Variants in PDXK observed in about 807,000 individuals in gnomAD.
PDXK encodes the protein pyridoxal kinase.
Under a neutral mutation model 43.2 loss-of-function variants are expected in PDXK, and 15 were observed. The ratio of observed to expected loss-of-function variants is 0.35; its 90% CI spans 0.23 to 0.53. PDXK has a LOEUF of 0.53. Ranked by LOEUF, PDXK falls within the 20% of genes least tolerant of loss-of-function variation. The pLI is 0.92. For missense variants in PDXK, 343 were observed against 417.0 expected, an observed-to-expected ratio of 0.82 and a Z score of 1.54; for synonymous variants, 172 against 165.4, an observed-to-expected ratio of 1.04 and a Z score of -0.31.
At chr21:43,755,930 T>G in intron 10 of PDXK, 21 bp from the exon 11 acceptor site, 2 of 1,575,396 alleles carry the variant, frequency 1.3e-6, no homozygotes, top group Non-Finnish European at 1.7e-6. Context: ...GGGAACTCAG[T>G]GCTCTCTGCC....
intron 2 of PDXK, among the ~76,000 whole-genome samples, chr21:43,739,670 C>A (rs2083460440): frequency 6.6e-6 from 1 of 151,826 alleles, no homozygotes; most frequent in African/African-American, 2.4e-5. Flanking sequence ...GAACCACCCC[C>A]ATGATTGAAT....
chr21:43,726,270 C>CTTTTTTTTTTTTTTTTT (rs1182376121), intron 1 of PDXK, among the ~76,000 whole-genome samples: 5 of 116,810 alleles, frequency 4.3e-5, no homozygotes, highest in African/African-American at 1.5e-4. Context: ...TTTTCTTTTT[C>CTTTTTTTTTTTTTTTTT]TTTTTTTTTT....
rs574850369 is a variant in PDXK, at chr21:43,754,444, C to T, written c.759+725C>T. ...CTGTGGCGCTCAGATCCGTGACCTC[C>T]CGTGCTGCATGCAGCAGAGTTGCTT... On this transcript the variant is annotated intron_variant, in intron 9 of 10. Transcript: ENST00000291565. The surrounding 1 kb of genome is among the most constrained non-coding windows in gnomAD (Gnocchi z 5.5). Among the ~76,000 whole-genome samples, 107 of 152,266 alleles carry T rather than the reference C, an allele frequency of 7.0e-4. No individual in the cohort carries two copies. The highest frequency in any genetic ancestry group is 1.6e-3 in the Admixed American group (25 of 15,296).
Position 43,755,973 on chromosome 21 carries a change from G to A in PDXK, c.849G>A (p.Arg283=), listed in dbSNP as rs1328421304. 6.2e-7 allele frequency: 1 copy of A among 1,612,198 alleles called. No homozygotes were observed. The highest frequency in any genetic ancestry group is 8.5e-7 in the Non-Finnish European group (1 of 1,179,024). The change falls in exon 11 of 11, where the codon AGG becomes AGA. Residue 283 remains arginine, a synonymous_variant. Coordinates refer to ENST00000291565, the MANE Select transcript of PDXK (RefSeq NM_003681.5). ...CAKAQAGEGV[R]PSPMQLELRM... is the part of the protein sequence containing the mutation. ...CAGCCCAGGCCGGGGAAGGAGTGAGGCCCAGCCCCATGCAGCTGGAGCTGC... is the reference window on the plus strand; with the variant it reads ...CAGCCCAGGCCGGGGAAGGAGTGAGACCCAGCCCCATGCAGCTGGAGCTGC...
In PDXK at chr21:43,761,535, C is replaced by T; in HGVS notation, c.*5472C>T. On this transcript the variant is annotated 3_prime_UTR_variant, in exon 11 of 11. Transcript: ENST00000291565. Reference sequence around the variant, plus strand: ...CCTGGGAAACCTGTCCTAAGTAAAACTATGGACCTCGCCTCGCCCACCGGC... The same window carrying T: ...CCTGGGAAACCTGTCCTAAGTAAAATTATGGACCTCGCCTCGCCCACCGGC... The T allele has an allele frequency of 6.4e-6, 1 of 155,386 alleles. No homozygotes were observed. The allele number at this position is 155,386 out of a possible 1,614,324, so 9.6% of individuals were successfully genotyped here.
rs1484458937 is a variant in PDXK, at chr21:43,758,222, G to GA, written c.*2160dup. On this transcript the variant is annotated 3_prime_UTR_variant, in exon 11 of 11. Transcript: ENST00000291565. ...GTCCCCACATCAGCTTTAGTTCTTG[G>GA]ACTTCCCTGTATTAAGCAAGAATTA... 6.5e-6 allele frequency: 1 copy of GA among 153,662 alleles called. No individual in the cohort carries two copies. Among genetic ancestry groups the GA allele is most frequent in the Non-Finnish European group, 1.5e-5 (1 of 68,024 alleles). 9.5% of individuals were successfully genotyped at this position (153,662 alleles called of 1,614,324 possible). A position where few individuals can be genotyped will look rare whatever the true frequency, so the allele number is the denominator to read the frequency against.
rs924530688 is a variant in PDXK, at chr21:43,757,162, G to A, written c.*1099G>A. 6.6e-6 allele frequency: 1 copy of A among 152,484 alleles called. No homozygotes were observed. Among genetic ancestry groups the A allele is most frequent in the African/African-American group, 2.4e-5 (1 of 41,470 alleles). The allele number at this position is 152,484 out of a possible 1,614,324, so 9.4% of individuals were successfully genotyped here. A position where few individuals can be genotyped will look rare whatever the true frequency, so the allele number is the denominator to read the frequency against. On this transcript the variant is annotated 3_prime_UTR_variant, in exon 11 of 11. Transcript: ENST00000291565. ...CCCAGGCCCTTGGGCAGGCTGGGGT[G>A]ACGGCAGAGGCCACAGCACCAGCTC... is the stretch of plus-strand genomic sequence containing the variant.
intron 4 of PDXK, chr21:43,744,781 C>T (rs1465750751): frequency 1.3e-5 from 2 of 152,258 alleles, no homozygotes; most frequent in Non-Finnish European, 2.9e-5. Context: ...TCCGAAATAG[C>T]TGAACACAGA....
chr21:43,755,348 A>C, intron 9 of PDXK: 1 of 244,550 alleles, frequency 4.1e-6, no homozygotes, highest in Non-Finnish European at 8.1e-6. Flanking sequence ...TTTCGGCAGG[A>C]GCACTTCCCC....
intron 9 of PDXK, 108 bp from the exon 10 acceptor site, chr21:43,755,590 G>A (rs1051804586): frequency 6.3e-6 from 6 of 948,302 alleles, no homozygotes; most frequent in Admixed American, 3.5e-5. Flanking sequence ...CCGGTGGCTC[G>A]GAGAGCAGGA....
At chr21:43,752,317 TG>T (rs2083767441) in intron 7 of PDXK, among the ~76,000 whole-genome samples, 200 bp from the exon 8 acceptor site, 1 of 152,068 alleles carries the variant, frequency 6.6e-6, no homozygotes, top group African/African-American at 2.4e-5. Flanking sequence ...TGACAGTTTG[TG>T]GGGGGATGGT....
chr21:43,734,289 A>AT lies in PDXK; in HGVS notation c.142+167dup, dbSNP rs1299627397. 1.4e-5 allele frequency among the ~76,000 whole-genome samples: 2 copies of AT among 146,628 alleles called. No individual in the cohort carries two copies. Among genetic ancestry groups the AT allele is most frequent in the Non-Finnish European group, 3.0e-5 (2 of 66,422 alleles). On this transcript the variant is annotated intron_variant, in intron 2 of 10. Coordinates refer to ENST00000291565, the MANE Select transcript of PDXK (RefSeq NM_003681.5). The surrounding 1 kb of genome is among the most constrained non-coding windows in gnomAD (Gnocchi z 5.0). ...GTCGCTCGGGCAGAGCCTGCACAGC[A>AT]TATCAGGGTGTAGGCCTGGGTGGCC...
intron 2 of PDXK, chr21:43,738,261 A>AG (rs2083437609): frequency 6.4e-6 from 1 of 155,226 alleles, no homozygotes; most frequent in African/African-American, 2.4e-5. Flanking sequence ...ACACACACAG[A>AG]GGGACAGCCC....
chr21:43,756,541 A>G lies in PDXK; in HGVS notation c.*478A>G, dbSNP rs549428598. 8.4e-4 allele frequency: 131 copies of G among 156,184 alleles called. 1 individual carries two copies. The highest frequency in any genetic ancestry group is 1.6e-3 in the Non-Finnish European group (111 of 70,558). The allele number at this position is 156,184 out of a possible 1,614,324, so 9.7% of individuals were successfully genotyped here. A position where few individuals can be genotyped will look rare whatever the true frequency, so the allele number is the denominator to read the frequency against. ...AATTCTGCCAAGTATCTTTACTGTC[A>G]TTCTGACCATAGCCTCTTTGTTCCC... On this transcript the variant is annotated 3_prime_UTR_variant, in exon 11 of 11. Coordinates refer to ENST00000291565, the MANE Select transcript of PDXK (RefSeq NM_003681.5).
chr21:43,727,467 GC>G (rs969893084), intron 1 of PDXK, among the ~76,000 whole-genome samples: 1 of 152,208 alleles, frequency 6.6e-6, no homozygotes, highest in African/African-American at 2.4e-5. Context: ...AAGCCTGCCA[GC>G]CCCTGTCCCT....
Position 43,752,549 on chromosome 21 carries a change from A to C in PDXK, c.542A>C (p.Asp181Ala), listed in dbSNP as rs1432320354. The change falls in exon 8 of 11, where the codon GAC becomes GCC. Residue 181 changes from aspartate to alanine, a missense_variant. Asp to Ala is a moderately radical substitution (Grantham distance 126). Transcript: ENST00000291565. ...VMDMLHSMGP[D>A]TVVITSSDLP... The stretch of plus-strand genomic sequence containing the variant: ...GACATGCTGCACTCTATGGGCCCCG[A>C]CACCGTGGTCATCACCAGCTCCGAC... The C allele has an allele frequency of 6.2e-7, 1 of 1,612,442 alleles. No individual in the cohort carries two copies. Among genetic ancestry groups the C allele is most frequent in the African/African-American group, 1.3e-5 (1 of 74,992 alleles).
chr21:43,750,690 G>C (rs2083720811), intron 7 of PDXK, 145 bp downstream of exon 7: 4 of 608,418 alleles, frequency 6.6e-6, no homozygotes, highest in Non-Finnish European at 1.2e-5. Context: ...CCAGAGATCA[G>C]CAGGATATAT....
chr21:43,728,583 C>T (rs929740542), intron 1 of PDXK: 1 of 360,472 alleles, frequency 2.8e-6, no homozygotes, highest in African/African-American at 2.2e-5. Context: ...CCGCCGCGCT[C>T]ACGTAGTGTC....
intron 2 of PDXK, among the ~76,000 whole-genome samples, chr21:43,739,106 T>C (rs1193199236): frequency 6.6e-6 from 1 of 151,986 alleles, no homozygotes; most frequent in Non-Finnish European, 1.5e-5. Context: ...GCTAATTTTT[T>C]TGTATTTTTA....
Sources: gnomAD v4.1 joint callset for allele counts (sites outside exome capture counted in the v4.1 genomes callset) on GRCh38, gnomAD v4.1.1 for gene constraint, Gnocchi (gnomAD v3.1) non-coding constraint, MANE v1.5 for transcripts, NCBI Gene and HGNC (gene_info 2026-07-23, HGNC 2026-07-21) for gene names.